The following MAPT variants were observed in gnomAD, a reference collection of about 807,000 sequenced individuals.
MAPT encodes the protein microtubule-associated protein tau.
Under a neutral mutation model 67.9 loss-of-function variants are expected in MAPT, and 34 were observed. That is an observed-to-expected ratio of 0.50 (90% CI 0.38 to 0.67). MAPT has a LOEUF of 0.67. MAPT is among the 30% of genes least tolerant of loss of function. The pLI is 0.00. For missense variants in MAPT, 881 were observed against 1,115.2 expected (o/e 0.79, Z 2.99); for synonymous variants, 456 against 464.5 (o/e 0.98, Z 0.23).
chr17:45,948,282 G>T (rs1437928740), intron 1 of MAPT, among the ~76,000 whole-genome samples: 1 of 151,978 alleles, frequency 6.6e-6, no homozygotes, highest in Non-Finnish European at 1.5e-5. Flanking sequence ...CTGGGATTAA[G>T]GTATGAGCCA....
intron 1 of MAPT, among the ~76,000 whole-genome samples, chr17:45,909,929 T>C (rs754062686): frequency 2.1e-5 from 3 of 142,206 alleles, no homozygotes; most frequent in Non-Finnish European, 1.5e-5. Flanking sequence ...TAATCTCAGC[T>C]ATTTGGGAGG....
chr17:45,960,787 C>T (rs1387566206), intron 1 of MAPT, among the ~76,000 whole-genome samples: 2 of 150,266 alleles, frequency 1.3e-5, no homozygotes, highest in African/African-American at 2.5e-5. Context: ...ACCCCCGTCC[C>T]CACTCCCCCA....
intron 1 of MAPT, among the ~76,000 whole-genome samples, chr17:45,919,448 T>G (rs1022519919): frequency 1.1e-4 from 16 of 152,156 alleles, no homozygotes; most frequent in African/African-American, 3.6e-4. Context: ...AGAACCGTGG[T>G]CAGTTCGCCA....
chr17:46,010,838 C>T lies in MAPT; in HGVS notation c.2091+436C>T, dbSNP rs2146026470. ...GGGCTGCCGCCTCCTCCCCCGACAC[C>T]TGGGCAGGTTGACGTTGAGTGGCTC... On this transcript the variant is annotated intron_variant, in intron 10 of 12. Transcript: ENST00000262410. The surrounding 1 kb of genome is among the most constrained non-coding windows in gnomAD (Gnocchi z 4.7). 6.6e-6 allele frequency among the ~76,000 whole-genome samples: 1 copy of T among 152,242 alleles called. No individual in the cohort carries two copies. The highest frequency in any genetic ancestry group is 1.9e-4 in the East Asian group (1 of 5,198).
At chr17:45,926,490 T>C (rs1445755597) in intron 1 of MAPT, among the ~76,000 whole-genome samples, 1 of 152,024 alleles carries the variant, frequency 6.6e-6, no homozygotes, top group African/African-American at 2.4e-5. Context: ...TTTTATTTTT[T>C]ATTTTTAGAG....
intron 1 of MAPT, among the ~76,000 whole-genome samples, chr17:45,957,811 A>G (rs2069908224): frequency 6.6e-6 from 1 of 152,250 alleles, no homozygotes; most frequent in African/African-American, 2.4e-5. Flanking sequence ...TTGGCCTATA[A>G]TACAATTCCA....
chr17:45,996,317 ACC>A lies in MAPT; in HGVS notation c.1733-80_1733-79del. On this transcript the variant is annotated intron_variant, in intron 8 of 12. Coordinates refer to ENST00000262410, the MANE Select transcript of MAPT (RefSeq NM_001377265.1). The surrounding 1 kb of genome is among the most constrained non-coding windows in gnomAD (Gnocchi z 4.5). ...AACCCAGTGGTGAGCCTGGGAATGG[ACC>A]CACGGGACAGGCAGCCCCCAGGGCC... 1 of 1,496,636 alleles carries A rather than the reference ACC, an allele frequency of 6.7e-7. No individual in the cohort carries two copies. Among genetic ancestry groups the A allele is most frequent in the Admixed American group, 1.7e-5 (1 of 59,586 alleles). The allele number at this position is 1,496,636 out of a possible 1,614,324, so 92.7% of individuals were successfully genotyped here.
intron 7 of MAPT, among the ~76,000 whole-genome samples, chr17:45,990,675 A>G (rs150182923): frequency 5.5e-4 from 83 of 152,258 alleles, no homozygotes; most frequent in African/African-American, 2.0e-3. Context: ...GGCAAGAGAA[A>G]TGCTTCCAGA....
intron 1 of MAPT, among the ~76,000 whole-genome samples, chr17:45,961,690 G>A (rs1413714711): frequency 6.6e-6 from 1 of 151,884 alleles, no homozygotes; most frequent in African/African-American, 2.4e-5. Flanking sequence ...CAGCAGCATT[G>A]ATTTTTTTAA....
chr17:45,932,635 A>G (rs1001300557), intron 1 of MAPT, among the ~76,000 whole-genome samples: 1 of 151,948 alleles, frequency 6.6e-6, no homozygotes, highest in African/African-American at 2.4e-5. Flanking sequence ...CTCAAAATAA[A>G]TACGTGTGGC....
Position 45,903,917 on chromosome 17 carries a change from AT to A in MAPT, c.-18+9234del, listed in dbSNP as rs1452717466. On this transcript the variant is annotated intron_variant, in intron 1 of 12. Coordinates refer to ENST00000262410, the MANE Select transcript of MAPT (RefSeq NM_001377265.1). ...TATTATATATATTTATATATTATAT[AT>A]TTATATATATTATATATTTATATAT... is the stretch of plus-strand genomic sequence containing the variant. Among the ~76,000 whole-genome samples, 25 of 36,914 alleles carry A rather than the reference AT, an allele frequency of 6.8e-4. 1 individual carries two copies. Among genetic ancestry groups the A allele is most frequent in the African/African-American group, 2.1e-3 (20 of 9,554 alleles). The allele number at this position is 36,914 out of a possible 152,430, so 24.2% of individuals were successfully genotyped here.
chr17:45,987,281 AC>A, intron 6 of MAPT, among the ~76,000 whole-genome samples, 186 bp downstream of exon 6: 1 of 152,266 alleles, frequency 6.6e-6, no homozygotes, highest in Middle Eastern at 3.4e-3. Flanking sequence ...TTTGATACTT[AC>A]CCCAGGGAAG....
chr17:46,002,455 T>C (rs537300345), intron 9 of MAPT, among the ~76,000 whole-genome samples: 44 of 152,090 alleles, frequency 2.9e-4, no homozygotes, highest in African/African-American at 9.9e-4. Context: ...ACCCTGTGAC[T>C]GCCAGCGGGG....
At chr17:45,961,331 G>C (rs905089971) in intron 1 of MAPT, among the ~76,000 whole-genome samples, 3 of 152,230 alleles carry the variant, frequency 2.0e-5, no homozygotes, top group Non-Finnish European at 4.4e-5. Context: ...GAAGAAGGGT[G>C]TGTGTTGCTC....
chr17:45,988,111 C>G (rs924177446), intron 6 of MAPT, among the ~76,000 whole-genome samples: 1 of 152,146 alleles, frequency 6.6e-6, no homozygotes. Flanking sequence ...GAGGAGTCGT[C>G]AATACCCCCA....
At chr17:45,950,019 C>T (rs1000371603) in intron 1 of MAPT, among the ~76,000 whole-genome samples, 1 of 151,978 alleles carries the variant, frequency 6.6e-6, no homozygotes, top group South Asian at 2.1e-4. Flanking sequence ...GAGGTGACAA[C>T]GTAGGGAGCA....
intron 5 of MAPT, among the ~76,000 whole-genome samples, chr17:45,984,474 C>G (rs185468799): frequency 6.6e-6 from 1 of 152,228 alleles, no homozygotes; most frequent in Non-Finnish European, 1.5e-5. Context: ...CAACGCCTCC[C>G]AGGAGGTGCT....
intron 1 of MAPT, among the ~76,000 whole-genome samples, chr17:45,930,420 A>G (rs905318555): frequency 6.6e-5 from 10 of 151,586 alleles, no homozygotes; most frequent in South Asian, 2.1e-4. Flanking sequence ...AAAAAAAAAA[A>G]AAAAGAAAAG....
intron 9 of MAPT, among the ~76,000 whole-genome samples, chr17:46,001,607 G>A (rs1472880765): frequency 6.6e-6 from 1 of 152,170 alleles, no homozygotes; most frequent in Non-Finnish European, 1.5e-5. Flanking sequence ...AGGTTGCAGT[G>A]AGCTATGATC....
Sources: allele counts gnomAD v4.1 joint callset (sites outside exome capture counted in the v4.1 genomes callset), GRCh38; gene constraint gnomAD v4.1.1; non-coding constraint Gnocchi (gnomAD v3.1); transcripts MANE v1.5; gene names NCBI Gene and HGNC (gene_info 2026-07-23, HGNC 2026-07-21).